Variants in MACF1 observed in about 807,000 individuals in gnomAD.
The protein encoded by MACF1 is microtubule actin crosslinking factor 1, also known as microtubule-actin cross-linking factor 1.
A neutral mutation model predicts 854.8 loss-of-function variants in MACF1; 193 were observed. The ratio of observed to expected loss-of-function variants is 0.23; its 90% confidence interval spans 0.20 to 0.25. The LOEUF (loss-of-function observed/expected upper bound fraction) is 0.25, where lower values mean the gene tolerates loss of function less well. MACF1 is among the 10% of genes least tolerant of loss of function. The pLI is 1.00. For missense variants in MACF1, 7,722 were observed against 8,929.1 expected (o/e 0.86, Z 5.45); for synonymous variants, 3,185 against 3,226.7 (o/e 0.99, Z 0.44).
intron 65 of MACF1, among the ~76,000 whole-genome samples, chr1:39,430,341 C>G (rs1643858109): frequency 1.3e-5 from 2 of 151,430 alleles, no homozygotes; most frequent in South Asian, 4.2e-4. Flanking sequence ...TCTGCAGGAT[C>G]TAGTATAGTT....
chr1:39,285,830 A>G, intron 14 of MACF1, 72 bp downstream of exon 14: 1 of 1,532,882 alleles, frequency 6.5e-7, no homozygotes, highest in Non-Finnish European at 8.9e-7. Flanking sequence ...GAGTAGAGCA[A>G]GAGTCAGGCA....
At chr1:39,484,524 A>G in intron 99 of MACF1, 77 bp from the exon 100 acceptor site, 1 of 1,354,360 alleles carries the variant, frequency 7.4e-7, no homozygotes, top group Non-Finnish European at 1.0e-6. Flanking sequence ...AAGGAGGTGT[A>G]AGGAGACCTT....
intron 83 of MACF1, among the ~76,000 whole-genome samples, chr1:39,448,360 T>C (rs1391157505): frequency 6.6e-6 from 1 of 152,216 alleles, no homozygotes; most frequent in Admixed American, 6.5e-5. Flanking sequence ...AAAGTAGTTA[T>C]GGGAGTAACT....
At chr1:39,338,457 T>G (rs1027697915) in intron 38 of MACF1, among the ~76,000 whole-genome samples, 1 of 152,130 alleles carries the variant, frequency 6.6e-6, no homozygotes, top group Non-Finnish European at 1.5e-5. Flanking sequence ...GCCTCAAAAA[T>G]TGGGAGCACC....
chr1:39,478,410 G>A (rs1366736296), intron 97 of MACF1, among the ~76,000 whole-genome samples: 1 of 152,102 alleles, frequency 6.6e-6, no homozygotes, highest in Non-Finnish European at 1.5e-5. Flanking sequence ...CAGACAACAG[G>A]GCTCTTAGAG....
chr1:39,477,129 T>TACACACACAC (rs1271205887), intron 97 of MACF1, among the ~76,000 whole-genome samples: 486 of 30,314 alleles, frequency 0.016, 36 homozygotes, highest in East Asian at 0.12. Flanking sequence ...TATATATATA[T>TACACACACAC]ATATATACAC....
intron 27 of MACF1, 87 bp downstream of exon 27, chr1:39,315,778 CAG>C: frequency 1.5e-6 from 2 of 1,305,492 alleles, no homozygotes; most frequent in Admixed American, 4.3e-5. Context: ...ATGAATAATA[CAG>C]AGAGATTATA....
intron 40 of MACF1, among the ~76,000 whole-genome samples, chr1:39,346,146 G>C (rs896586009): frequency 6.6e-6 from 1 of 151,042 alleles, no homozygotes; most frequent in Non-Finnish European, 1.5e-5. Flanking sequence ...GGCAGATCAT[G>C]AGGTCAGGAG....
chr1:39,210,539 G>T (rs1644502575), intron 1 of MACF1, among the ~76,000 whole-genome samples: 1 of 151,344 alleles, frequency 6.6e-6, no homozygotes, highest in Non-Finnish European at 1.5e-5. Context: ...TTAAAGATTT[G>T]TATGGTGTAG....
At chr1:39,231,048 TAAG>T (rs1363894558) in intron 1 of MACF1, 131 bp from the exon 2 acceptor site, 20 of 723,540 alleles carry the variant, frequency 2.8e-5, no homozygotes, top group Non-Finnish European at 4.0e-5. Flanking sequence ...CAAACCTTCC[TAAG>T]AAGAAGTCAC....
At chr1:39,174,304 G>C (rs1163882399) in intron 2 of MACF1, among the ~76,000 whole-genome samples, 1 of 152,160 alleles carries the variant, frequency 6.6e-6, no homozygotes, top group African/African-American at 2.4e-5. Flanking sequence ...CATTTTCATA[G>C]GGTTATAATG....
chr1:39,176,929 C>G lies in MACF1; in HGVS notation c.221-54253C>G. Among the ~76,000 whole-genome samples, 2 of 151,990 alleles carry G rather than the reference C, an allele frequency of 1.3e-5. 1 individual carries two copies. The highest frequency in any genetic ancestry group is 2.9e-5 in the Non-Finnish European group (2 of 67,982). On this transcript the variant is annotated intron_variant, in intron 2 of 93. Coordinates refer to the MACF1 transcript ENST00000361689. ...AGATCCTTGAATTGTGACTTTTTTT[C>G]TTTTGTTTAATTTTATTACAGTTCC...
chr1:39,264,644 C>T (rs1645208619), intron 6 of MACF1, among the ~76,000 whole-genome samples: 1 of 148,450 alleles, frequency 6.7e-6, no homozygotes. Context: ...TTTTGGGTTA[C>T]ACACCCAGAT....
chr1:39,181,464 T>C (rs1238824232), intron 2 of MACF1, among the ~76,000 whole-genome samples: 1 of 152,162 alleles, frequency 6.6e-6, no homozygotes, highest in Non-Finnish European at 1.5e-5. Flanking sequence ...AGTGGGGTTT[T>C]TTCTTCTTCT....
intron 58 of MACF1, among the ~76,000 whole-genome samples, chr1:39,389,706 T>A (rs1271387119): frequency 6.6e-6 from 1 of 152,144 alleles, no homozygotes; most frequent in African/African-American, 2.4e-5. Flanking sequence ...TTAAACATAG[T>A]CTCATCTTCC....
rs377564555 is a variant in MACF1, at chr1:39,145,724, C to T, written c.220+61286C>T. On this transcript the variant is annotated intron_variant, in intron 2 of 93. Transcript: ENST00000361689. ...CATCTGACACCATTTGGACCTCTTT[C>T]CTTCCCTGACTGTGTGCTATCTCTG... Among the ~76,000 whole-genome samples, 43 of 152,310 alleles carry T rather than the reference C, an allele frequency of 2.8e-4. 1 individual carries two copies. In the South Asian group the frequency reaches 8.7e-3, roughly 31 times the overall value.
chr1:39,429,657 G>A (rs1041281691), intron 64 of MACF1, among the ~76,000 whole-genome samples, 170 bp from the exon 65 acceptor site: 1 of 152,110 alleles, frequency 6.6e-6, no homozygotes, highest in African/African-American at 2.4e-5. Context: ...TTATCCAGTG[G>A]AAAGTTTATT....
chr1:39,150,100 T>A (rs1557483676), intron 2 of MACF1, among the ~76,000 whole-genome samples: 1 of 152,012 alleles, frequency 6.6e-6, no homozygotes, highest in Non-Finnish European at 1.5e-5. Flanking sequence ...CTCGGCTCAC[T>A]GCAACCTCCT....
chr1:39,092,138 C>G (rs6684877), intron 2 of MACF1, among the ~76,000 whole-genome samples: 2 of 152,162 alleles, frequency 1.3e-5, no homozygotes. Flanking sequence ...AGGAATTAGC[C>G]AGGACAACCT....
Sources: allele counts gnomAD v4.1 joint callset (sites outside exome capture counted in the v4.1 genomes callset), GRCh38; gene constraint gnomAD v4.1.1; transcripts MANE v1.5; gene names NCBI Gene and HGNC (gene_info 2026-07-23, HGNC 2026-07-21).